Variants in RAP1A observed in about 807,000 individuals in gnomAD.
The protein encoded by RAP1A is ras-related protein Rap-1A.
RAP1A carries 6 observed loss-of-function variants against 26.4 expected under a neutral mutation model. The observed-to-expected ratio is 0.23, with a 90% CI of 0.12 to 0.45. The LOEUF (loss-of-function observed/expected upper bound fraction) is 0.45. Ranked by LOEUF, RAP1A falls within the 20% of genes least tolerant of loss-of-function variation. RAP1A has a pLI of 0.99. For missense variants in RAP1A, 121 were observed against 217.2 expected (o/e 0.56, Z 2.78); for synonymous variants, 73 against 79.4 (o/e 0.92, Z 0.43).
intron 1 of RAP1A, among the ~76,000 whole-genome samples, chr1:111,658,521 T>C (rs1254953427): frequency 3.3e-5 from 5 of 152,330 alleles, no homozygotes; most frequent in Admixed American, 6.5e-5. Flanking sequence ...AAACTTTTTT[T>C]CTATTTTTAA....
At chr1:111,648,921 T>C (rs1319538858) in intron 1 of RAP1A, 3 of 743,136 alleles carry the variant, frequency 4.0e-6, no homozygotes, top group Non-Finnish European at 7.3e-6. Context: ...GCCTTTTACT[T>C]CCCCTTTATG....
chr1:111,647,894 T>C (rs754942012), intron 1 of RAP1A, among the ~76,000 whole-genome samples: 3 of 152,114 alleles, frequency 2.0e-5, no homozygotes, highest in Non-Finnish European at 2.9e-5. Flanking sequence ...GTCATAGGTA[T>C]TTAACTGTAG....
chr1:111,563,734 A>G (rs1657838248), intron 1 of RAP1A: 6 of 749,852 alleles, frequency 8.0e-6, no homozygotes, highest in Middle Eastern at 2.4e-4. Flanking sequence ...AGGACAAAGC[A>G]TTGATTAAGT....
rs769620244 is a variant in RAP1A, at chr1:111,703,491, T to C, written c.324+15T>C. The C allele has an allele frequency of 1.0e-5, 16 of 1,567,680 alleles. No individual in the cohort carries two copies. The South Asian group carries it at 1.7e-4, about 16-fold the overall frequency. ...ACACGGAAGATGTAAGTATTTTTTC[T>C]CTCTGTAAGATGTTATGCCATCTCT... On this transcript the variant is annotated intron_variant, in intron 5 of 7. Transcript: ENST00000369709.
At chr1:111,686,902 TC>T (rs1332507892) in intron 1 of RAP1A, among the ~76,000 whole-genome samples, 2 of 151,970 alleles carry the variant, frequency 1.3e-5, no homozygotes, top group African/African-American at 4.8e-5. Flanking sequence ...ATTCAGTGTT[TC>T]TATTTTGAAT....
chr1:111,681,103 G>A (rs955413283), intron 1 of RAP1A, among the ~76,000 whole-genome samples: 1 of 152,146 alleles, frequency 6.6e-6, no homozygotes, highest in African/African-American at 2.4e-5. Flanking sequence ...AAGTTAGCCA[G>A]GTGTGGTGCA....
intron 1 of RAP1A, among the ~76,000 whole-genome samples, chr1:111,672,780 A>C (rs1661014372): frequency 6.6e-6 from 1 of 152,006 alleles, no homozygotes; most frequent in Non-Finnish European, 1.5e-5. Context: ...TTCTTTCTAC[A>C]AGTTTTTTAG....
chr1:111,607,730 G>T (rs1571494674), intron 1 of RAP1A, among the ~76,000 whole-genome samples: 1 of 142,438 alleles, frequency 7.0e-6, no homozygotes, highest in East Asian at 2.1e-4. Flanking sequence ...GCGGCTGGCC[G>T]GGCAGAGGGG....
At chr1:111,545,673 T>G (rs1657010001) in intron 1 of RAP1A, among the ~76,000 whole-genome samples, 1 of 152,172 alleles carries the variant, frequency 6.6e-6, no homozygotes, top group South Asian at 2.1e-4. Flanking sequence ...GTGCTTTTTG[T>G]GTCATATTTA....
At chr1:111,563,864 C>A in intron 1 of RAP1A, 1 of 1,613,230 alleles carries the variant, frequency 6.2e-7, no homozygotes, top group Non-Finnish European at 8.5e-7. Flanking sequence ...AGGACTCAAG[C>A]AGCCCAGTGT....
intron 1 of RAP1A, among the ~76,000 whole-genome samples, chr1:111,588,903 T>C (rs1211961336): frequency 6.6e-6 from 1 of 152,238 alleles, no homozygotes; most frequent in Admixed American, 6.5e-5. Context: ...AATAAACCAC[T>C]GAGCTTTTGG....
At chr1:111,658,548 G>A (rs548129) in intron 1 of RAP1A, among the ~76,000 whole-genome samples, 68,042 of 151,664 alleles carry the variant, frequency 0.45, 15,350 homozygotes, top group African/African-American at 0.5. Context: ...TTACTTTTTA[G>A]ACATTTTTGT....
chr1:111,619,078 C>T (rs1395977437), upstream of RAP1A, among the ~76,000 whole-genome samples: 1 of 152,222 alleles, frequency 6.6e-6, no homozygotes, highest in Non-Finnish European at 1.5e-5. Context: ...CTAGCTGGTA[C>T]TGCTCTCGGG....
At chr1:111,650,949 C>T (rs2101135549) in intron 1 of RAP1A, among the ~76,000 whole-genome samples, 1 of 152,038 alleles carries the variant, frequency 6.6e-6, no homozygotes, top group East Asian at 1.9e-4. Flanking sequence ...CTACAGGCAC[C>T]CGCCACCACG....
chr1:111,714,662 G>A lies in RAP1A; in HGVS notation c.*2261G>A, dbSNP rs940308064. 2 of 152,250 alleles carry A rather than the reference G, an allele frequency of 1.3e-5. No homozygotes were observed. The highest frequency in any genetic ancestry group is 2.1e-4 in the South Asian group (1 of 4,828). The allele number at this position is 152,250 out of a possible 1,614,324, so 9.4% of individuals were successfully genotyped here. On this transcript the variant is annotated 3_prime_UTR_variant, in exon 8 of 8. Coordinates refer to ENST00000369709, the MANE Select transcript of RAP1A (RefSeq NM_002884.4). ...AGAGCAGGACCAGCTGAAGTCAGAT[G>A]TGCAAGGAAATCTGTGGTTGCTGAG...
chr1:111,616,379 G>A (rs774688165), upstream of RAP1A, among the ~76,000 whole-genome samples: 8 of 152,330 alleles, frequency 5.3e-5, no homozygotes, highest in Middle Eastern at 3.4e-3. Context: ...ATACCGTGAT[G>A]AGGACAGAAG....
chr1:111,666,336 G>A lies in RAP1A; in HGVS notation c.-27-24998G>A, dbSNP rs547702112. ...ATACCTGCAAAAACTGTCATTTAGG[G>A]ATTATTTGTACAGTTCTATGTGGTA... On this transcript the variant is annotated intron_variant, in intron 1 of 7. Transcript: ENST00000369709. 2.6e-5 allele frequency among the ~76,000 whole-genome samples: 4 copies of A among 152,222 alleles called. No individual in the cohort carries two copies. In the East Asian group the frequency reaches 7.7e-4, roughly 29 times the overall value.
At chr1:111,659,353 CAATATTGT>C (rs1262513986) in intron 1 of RAP1A, among the ~76,000 whole-genome samples, 1 of 152,148 alleles carries the variant, frequency 6.6e-6, no homozygotes, top group Non-Finnish European at 1.5e-5. Context: ...CTCTCTCTCT[CAATATTGT>C]AATATTTTTC....
At chr1:111,644,279 T>G (rs1411685505) in intron 1 of RAP1A, among the ~76,000 whole-genome samples, 3 of 152,122 alleles carry the variant, frequency 2.0e-5, no homozygotes, top group Non-Finnish European at 2.9e-5. Context: ...ATAACAGAAT[T>G]TAAGTAAAAA....
Sources: allele counts gnomAD v4.1 joint callset (sites outside exome capture counted in the v4.1 genomes callset), GRCh38; gene constraint gnomAD v4.1.1; transcripts MANE v1.5; gene names NCBI Gene and HGNC (gene_info 2026-07-23, HGNC 2026-07-21).